The following PLS3 variants were observed in gnomAD, a reference collection of about 807,000 sequenced individuals.
PLS3 encodes plastin 3.
PLS3 carries 11 observed loss-of-function variants against 46.5 expected under a neutral mutation model. The observed-to-expected ratio is 0.24, with a 90% CI of 0.15 to 0.39. The LOEUF is 0.39. Ranked by LOEUF, PLS3 falls within the 10% of genes least tolerant of loss-of-function variation. The pLI is 1.00. For missense variants in PLS3, 308 were observed against 461.8 expected (o/e 0.67, Z 3.05); for synonymous variants, 167 against 162.2 (o/e 1.03, Z -0.22).
At chrX:115,593,411 C>A (rs1206393818) in intron 1 of PLS3, 1 of 110,405 alleles carries the variant, frequency 9.1e-6, no homozygotes, top group African/African-American at 3.3e-5. Flanking sequence ...TTATTAAATT[C>A]TCTGCAAAAT....
At chrX:115,562,723 C>G (rs977347697) in intron 1 of PLS3, 1 of 111,356 alleles carries the variant, frequency 9.0e-6, no homozygotes, top group South Asian at 3.8e-4. Context: ...GAGCCCCACA[C>G]ATACCAGTTG....
chrX:115,629,139 T>C (rs1381509766), intron 3 of PLS3, 59 bp from the exon 4 acceptor site: 3 of 786,761 alleles, frequency 3.8e-6, no homozygotes, highest in Non-Finnish European at 3.7e-6. Flanking sequence ...AATATAAATA[T>C]GCTTATTGTG....
chrX:115,603,523 A>G (rs782698525), intron 1 of PLS3, among the ~76,000 whole-genome samples: 3 of 111,803 alleles, frequency 2.7e-5, no homozygotes, highest in Middle Eastern at 4.7e-3. Context: ...TATTTTTGAT[A>G]AGTATTAAAA....
rs187910012 is a variant in PLS3, at chrX:115,640,671, T to A, written c.987+168T>A. The stretch of plus-strand genomic sequence containing the variant: ...CAGAGGCCAGAAAACTAGCTTTGAT[T>A]TATTTTGATTGTTAGTGAATTCCAT... On this transcript the variant is annotated intron_variant, in intron 9 of 15. Coordinates refer to ENST00000355899, the MANE Select transcript of PLS3 (RefSeq NM_005032.7). Among the ~76,000 whole-genome samples the A allele has an allele frequency of 1.5e-4, 17 of 112,080 alleles. No individual in the cohort carries two copies. The East Asian group carries it at 4.2e-3, about 28-fold the overall frequency.
At position 115,640,419 on chromosome X, in the gene PLS3, C is replaced by T; in HGVS notation, c.903C>T (p.Ala301=). 8.5e-7 allele frequency: 1 copy of T among 1,177,429 alleles called. No individual in the cohort carries two copies. Among genetic ancestry groups the T allele is most frequent in the South Asian group, 1.8e-5 (1 of 56,004 alleles). Residue 301 remains alanine, a synonymous_variant, in exon 9 of 16, where the codon GCC becomes GCT. Transcript: ENST00000355899. ...TCAATTCTTTGTAGGATTCCAAAGC[C>T]TATTTCCATCTTCTCAATCAAATCG... is the stretch of plus-strand genomic sequence containing the variant. ...NFSADIKDSK[A]YFHLLNQIAP...
intron 2 of PLS3, among the ~76,000 whole-genome samples, chrX:115,613,466 A>T (rs2074566019): frequency 8.9e-6 from 1 of 112,098 alleles, no homozygotes; most frequent in Admixed American, 9.5e-5. Context: ...AGTATTCAAT[A>T]AAAGAACACC....
At chrX:115,593,492 A>G (rs2074359815) in intron 1 of PLS3, 1 of 111,465 alleles carries the variant, frequency 9.0e-6, no homozygotes, top group Non-Finnish European at 1.9e-5. Flanking sequence ...CTCTTTTTCT[A>G]GCAGGAAGTG....
chrX:115,590,303 A>G (rs2074336193), intron 1 of PLS3, among the ~76,000 whole-genome samples: 1 of 111,112 alleles, frequency 9.0e-6, no homozygotes, highest in Admixed American at 9.6e-5. Context: ...TGGCCTGCTG[A>G]TGAAAATGTA....
chrX:115,565,960 G>T (rs782538285), intron 1 of PLS3, among the ~76,000 whole-genome samples: 2 of 112,261 alleles, frequency 1.8e-5, no homozygotes, highest in African/African-American at 6.5e-5. Flanking sequence ...TTAGTCCTTT[G>T]CAGTCTGGAC....
At chrX:115,643,061 CTTCT>C (rs782131451) in intron 9 of PLS3, among the ~76,000 whole-genome samples, 76 of 111,625 alleles carry the variant, frequency 6.8e-4, no homozygotes, top group African/African-American at 2.2e-3. Flanking sequence ...TTTTACGTAA[CTTCT>C]TTCTTAATGC....
chrX:115,648,461 T>C (rs2074973615), intron 15 of PLS3, among the ~76,000 whole-genome samples: 1 of 111,475 alleles, frequency 9.0e-6, no homozygotes, highest in Non-Finnish European at 1.9e-5. Flanking sequence ...GTTCCCATAT[T>C]AACAGAATGC....
chrX:115,573,537 T>C (rs1430731038), intron 1 of PLS3, among the ~76,000 whole-genome samples: 3 of 112,430 alleles, frequency 2.7e-5, no homozygotes, highest in Non-Finnish European at 5.6e-5. Flanking sequence ...TATTCATGTA[T>C]GCAGAAGTCC....
chrX:115,602,336 A>C (rs2074453127), intron 1 of PLS3, among the ~76,000 whole-genome samples: 1 of 111,810 alleles, frequency 8.9e-6, no homozygotes, highest in Admixed American at 9.6e-5. Context: ...ATAAATAAAT[A>C]AGTGGGTGAG....
chrX:115,618,117 C>T lies in PLS3; in HGVS notation c.74-4129C>T, dbSNP rs111611378. On this transcript the variant is annotated intron_variant, in intron 2 of 15. Transcript: ENST00000355899. ...ACCAGACCTGTAGTCTAACCTAATA[C>T]AAATAGGCAGCCAGATAAACTTTCT... Among the ~76,000 whole-genome samples the T allele has an allele frequency of 6.3e-3, 695 of 111,158 alleles. 2 individuals are homozygous for T. The highest frequency in any genetic ancestry group is 0.021 in the African/African-American group (643 of 30,648).
chrX:115,641,726 T>C (rs1362317392), intron 9 of PLS3, among the ~76,000 whole-genome samples: 1 of 111,076 alleles, frequency 9.0e-6, no homozygotes, highest in Non-Finnish European at 1.9e-5. Context: ...ATGGCATCAG[T>C]ATGCTAACCG....
chrX:115,603,006 G>GT (rs2074459591), intron 1 of PLS3, among the ~76,000 whole-genome samples: 1 of 111,435 alleles, frequency 9.0e-6, no homozygotes, highest in Non-Finnish European at 1.9e-5. Context: ...CATTCCTAAA[G>GT]TGAGTGAGTG....
At chrX:115,620,937 G>T (rs1479589767) in intron 2 of PLS3, among the ~76,000 whole-genome samples, 1 of 107,224 alleles carries the variant, frequency 9.3e-6, no homozygotes, top group Non-Finnish European at 1.9e-5. Context: ...CAAGTGATCC[G>T]CCTGCCTCGG....
chrX:115,563,172 T>G (rs1201105897), intron 1 of PLS3, among the ~76,000 whole-genome samples: 2 of 112,047 alleles, frequency 1.8e-5, no homozygotes, highest in African/African-American at 6.5e-5. Flanking sequence ...CTGTTCATCT[T>G]CCTTGGTCTG....
chrX:115,631,552 A>C (rs373967600), intron 5 of PLS3, among the ~76,000 whole-genome samples: 2 of 110,102 alleles, frequency 1.8e-5, no homozygotes, highest in African/African-American at 6.6e-5. Context: ...GGGCAACAAA[A>C]CGAGACCCTG....
Sources: gnomAD v4.1 joint callset for allele counts (sites outside exome capture counted in the v4.1 genomes callset) on GRCh38, gnomAD v4.1.1 for gene constraint, MANE v1.5 for transcripts, NCBI Gene and HGNC (gene_info 2026-07-23, HGNC 2026-07-21) for gene names.